Variants in PPP6R2 observed in about 807,000 individuals in gnomAD.
PPP6R2 encodes serine/threonine-protein phosphatase 6 regulatory subunit 2.
A neutral mutation model predicts 100.2 loss-of-function variants in PPP6R2; 62 were observed. That is an observed-to-expected ratio of 0.62 (90% CI 0.50 to 0.76). PPP6R2 has a LOEUF of 0.76. Among genes scored for constraint, PPP6R2 ranks in the 30% least tolerant of loss-of-function variants. The pLI, the probability that PPP6R2 is intolerant of heterozygous loss-of-function variation, is 0.00. For missense variants in PPP6R2, 1,142 were observed against 1,276.3 expected (o/e 0.89, Z 1.60); for synonymous variants, 525 against 514.7 (o/e 1.02, Z -0.27).
At chr22:50,400,548 A>C (rs1416854201) in intron 3 of PPP6R2, among the ~76,000 whole-genome samples, 1 of 152,116 alleles carries the variant, frequency 6.6e-6, no homozygotes, top group Non-Finnish European at 1.5e-5. Flanking sequence ...GAGGGCATTT[A>C]GGTTCTTTTC....
chr22:50,400,008 G>T (rs368680033), intron 3 of PPP6R2, among the ~76,000 whole-genome samples: 1 of 152,222 alleles, frequency 6.6e-6, no homozygotes, highest in Non-Finnish European at 1.5e-5. Flanking sequence ...CCAAGCTGTC[G>T]CTTTCATTAC....
At chr22:50,339,845 GTGTGTGTGT>G (rs2042351104), upstream of PPP6R2, among the ~76,000 whole-genome samples, 7 of 78,418 alleles carry the variant, frequency 8.9e-5, no homozygotes, top group East Asian at 3.7e-4. Flanking sequence ...GTGGTGTGTG[GTGTGTGTGT>G]GGTATGTAGT....
chr22:50,439,170 C>G (rs1486617640), intron 19 of PPP6R2, among the ~76,000 whole-genome samples: 1 of 152,192 alleles, frequency 6.6e-6, no homozygotes, highest in Non-Finnish European at 1.5e-5. Context: ...CTGATGAGAC[C>G]CCTCTCCTTA....
At chr22:50,352,237 G>A (rs371381223) in intron 1 of PPP6R2, among the ~76,000 whole-genome samples, 5 of 152,070 alleles carry the variant, frequency 3.3e-5, no homozygotes, top group Admixed American at 6.6e-5. Flanking sequence ...CATCGCGCCC[G>A]GCCGGCATTT....
chr22:50,429,967 G>A (rs1027404634), intron 10 of PPP6R2, among the ~76,000 whole-genome samples: 4 of 151,122 alleles, frequency 2.6e-5, no homozygotes, highest in Admixed American at 6.6e-5. Flanking sequence ...TGTGTGGAAC[G>A]AGGAGCCCAA....
chr22:50,414,354 C>G (rs1247932912), intron 4 of PPP6R2, among the ~76,000 whole-genome samples, 198 bp from the exon 5 acceptor site: 1 of 100,146 alleles, frequency 1.0e-5, no homozygotes, highest in African/African-American at 3.4e-5. Context: ...CCCCCCCGCC[C>G]AGACCCTCAC....
At chr22:50,443,845 G>T in intron 22 of PPP6R2, 21 bp from the exon 23 acceptor site, 1 of 1,558,648 alleles carries the variant, frequency 6.4e-7, no homozygotes, top group East Asian at 2.4e-5. Context: ...CCCGTAACCG[G>T]AGTCCATGTT....
At position 50,436,896 on chromosome 22, in the gene PPP6R2, C is replaced by G. The variant is rs925701584; in HGVS notation, c.1603-92C>G. 19 of 1,041,076 alleles carry G rather than the reference C, an allele frequency of 1.8e-5. No individual in the cohort carries two copies. The African/African-American group carries it at 2.5e-4, about 14-fold the overall frequency. 64.5% of individuals were successfully genotyped at this position (1,041,076 alleles called of 1,614,324 possible). On this transcript the variant is annotated intron_variant, in intron 14 of 23. Transcript: ENST00000612753. ...GATGTGCTGGGTGGGGTCTGGGAGC[C>G]CTGGGCTGGGCATGGTCCTGGGCGC...
the PPP6R2 span, among the ~76,000 whole-genome samples, chr22:50,335,281 T>C: frequency 6.6e-6 from 1 of 150,868 alleles, no homozygotes. Context: ...GCCAGGGTGG[T>C]TTTGATCTCC....
At chr22:50,412,090 G>A (rs2059829681) in intron 4 of PPP6R2, among the ~76,000 whole-genome samples, 1 of 151,982 alleles carries the variant, frequency 6.6e-6, no homozygotes, top group Non-Finnish European at 1.5e-5. Flanking sequence ...TTCCTCCAAT[G>A]GTGACATTTT....
At chr22:50,441,296 G>A (rs1603423015) in intron 22 of PPP6R2, among the ~76,000 whole-genome samples, 1 of 152,148 alleles carries the variant, frequency 6.6e-6, no homozygotes, top group Admixed American at 6.5e-5. Context: ...AAGACAAGAA[G>A]ACAGGGCCTG....
intron 1 of PPP6R2, among the ~76,000 whole-genome samples, chr22:50,353,017 T>C (rs2045662041): frequency 1.3e-5 from 2 of 152,198 alleles, no homozygotes; most frequent in South Asian, 4.1e-4. Flanking sequence ...TGAGCTGTGA[T>C]GGTGCCACTA....
intron 3 of PPP6R2, among the ~76,000 whole-genome samples, chr22:50,398,260 G>A (rs1231709369): frequency 3.4e-5 from 5 of 148,432 alleles, no homozygotes; most frequent in East Asian, 4.0e-4. Flanking sequence ...CAACCTCCGC[G>A]TCCCAGGTTC....
chr22:50,368,938 A>G lies in PPP6R2; in HGVS notation c.-147-3082A>G, dbSNP rs1262687316. 2.0e-5 allele frequency among the ~76,000 whole-genome samples: 3 copies of G among 152,228 alleles called. No individual in the cohort carries two copies. The East Asian group carries it at 5.8e-4, about 29-fold the overall frequency. On this transcript the variant is annotated intron_variant, in intron 1 of 23. Coordinates refer to ENST00000612753, the MANE Select transcript of PPP6R2 (RefSeq NM_001242898.2). ...ACTCAAGATTAGAATAAACAGGCCC[A>G]AGATCAAAAACATTTCTTGGCCGGG...
chr22:50,393,860 TGA>T (rs766600392), intron 2 of PPP6R2, 31 bp from the exon 3 acceptor site: 1 of 1,611,474 alleles, frequency 6.2e-7, no homozygotes, highest in African/African-American at 1.3e-5. Context: ...TTTGCAAGGG[TGA>T]GAGACGTGAC....
chr22:50,394,762 C>T (rs993260871), intron 3 of PPP6R2, among the ~76,000 whole-genome samples: 10 of 151,584 alleles, frequency 6.6e-5, no homozygotes, highest in South Asian at 2.1e-4. Context: ...AAAAATTAGC[C>T]GGGCATGGTG....
intron 1 of PPP6R2, among the ~76,000 whole-genome samples, chr22:50,370,924 C>A (rs2050068292): frequency 6.7e-6 from 1 of 149,754 alleles, no homozygotes; most frequent in African/African-American, 2.6e-5. Flanking sequence ...GAGCCACTGC[C>A]CCCAGCCACA....
intron 5 of PPP6R2, among the ~76,000 whole-genome samples, chr22:50,415,877 G>A (rs1003122989): frequency 6.6e-6 from 1 of 152,230 alleles, no homozygotes; most frequent in Non-Finnish European, 1.5e-5. Context: ...AGGACAGAGG[G>A]ATGGTGGTCA....
In PPP6R2 at chr22:50,423,186, C is replaced by G. The variant is rs978282985; in HGVS notation, c.973-276C>G. Among the ~76,000 whole-genome samples the G allele has an allele frequency of 6.6e-6, 1 of 152,208 alleles. No homozygotes were observed. Among genetic ancestry groups the G allele is most frequent in the East Asian group, 1.9e-4 (1 of 5,192 alleles). ...GGCCCCATCTTGGACATCTCACCCG[C>G]TGAGGTGCACGGCTCTCTGGCCCTG... On this transcript the variant is annotated intron_variant, in intron 9 of 23. Coordinates refer to ENST00000612753, the MANE Select transcript of PPP6R2 (RefSeq NM_001242898.2). This position sits in a 1 kb window ranked among gnomAD's most constrained non-coding sequence, Gnocchi z 4.8.
Sources: gnomAD v4.1 joint callset for allele counts (sites outside exome capture counted in the v4.1 genomes callset) on GRCh38, gnomAD v4.1.1 for gene constraint, Gnocchi (gnomAD v3.1) non-coding constraint, MANE v1.5 for transcripts, NCBI Gene and HGNC (gene_info 2026-07-23, HGNC 2026-07-21) for gene names.